Variants in CLRN3 observed in about 807,000 individuals in gnomAD.
CLRN3 encodes clarin-3.
Under a neutral mutation model 16.7 loss-of-function variants are expected in CLRN3, and 12 were observed. The observed-to-expected ratio is 0.72, with a 90% CI of 0.46 to 1.16. CLRN3 has a LOEUF of 1.16. CLRN3 is among the 50% of genes most tolerant of loss of function. CLRN3 has a pLI of 0.00. For missense variants in CLRN3, 296 were observed against 274.2 expected, an observed-to-expected ratio of 1.08 and a Z score of -0.56; for synonymous variants, 118 against 113.0, an observed-to-expected ratio of 1.04 and a Z score of -0.28.
intron 1 of CLRN3, among the ~76,000 whole-genome samples, chr10:127,888,916 A>T (rs1314827907): frequency 1.3e-5 from 2 of 152,166 alleles, no homozygotes; most frequent in Admixed American, 6.6e-5. Flanking sequence ...GAAGATTTTT[A>T]AAAAACGAGC....
chr10:127,888,055 C>T (rs1591262107), intron 1 of CLRN3, among the ~76,000 whole-genome samples: 1 of 152,232 alleles, frequency 6.6e-6, no homozygotes, highest in South Asian at 2.1e-4. Flanking sequence ...TCAGGCCCCA[C>T]TTGCCATCTG....
At chr10:127,879,138 C>T (rs369990235) in intron 2 of CLRN3, among the ~76,000 whole-genome samples, 19 of 152,300 alleles carry the variant, frequency 1.2e-4, no homozygotes, top group African/African-American at 4.6e-4. Context: ...GAGATGGGGT[C>T]TCACTCTCCC....
rs117580940 is a variant in CLRN3 at position 127,878,126 on chromosome 10, G to T, written c.*23C>A. 6.2e-7 allele frequency: 1 copy of T among 1,606,200 alleles called. No individual in the cohort carries two copies. Among genetic ancestry groups the T allele is most frequent in the African/African-American group, 1.3e-5 (1 of 74,734 alleles). Reference sequence around the variant, plus strand: ...AGGGCTGATGTACAATAGATGCAACGCCAAAATGAGATGAAAGAGAATTCA... The same window carrying T: ...AGGGCTGATGTACAATAGATGCAACTCCAAAATGAGATGAAAGAGAATTCA... On this transcript the variant is annotated 3_prime_UTR_variant, in exon 3 of 3. Transcript: ENST00000368671.
chr10:127,890,144 A>G (rs1008890315), intron 1 of CLRN3, among the ~76,000 whole-genome samples: 1 of 152,254 alleles, frequency 6.6e-6, no homozygotes, highest in Non-Finnish European at 1.5e-5. Context: ...TCCTTTCAGT[A>G]TCCTGAGCCC....
chr10:127,880,127 C>A (rs1845110348), intron 2 of CLRN3, among the ~76,000 whole-genome samples: 1 of 152,194 alleles, frequency 6.6e-6, no homozygotes, highest in Non-Finnish European at 1.5e-5. Context: ...TTTGTCCGTA[C>A]AAAAGCCCTG....
Position 127,878,122 on chromosome 10 carries a change from CAACGCCAAAATGAGATG to C in CLRN3, c.*10_*26del. ...ACTCAGGGCTGATGTACAATAGATG[CAACGCCAAAATGAGATG>C]AAAGAGAATTCAGAATAAAATTCCG... On this transcript the variant is annotated 3_prime_UTR_variant, in exon 3 of 3. Coordinates refer to ENST00000368671, the MANE Select transcript of CLRN3 (RefSeq NM_152311.5). 6.2e-7 allele frequency: 1 copy of C among 1,605,412 alleles called. No individual in the cohort carries two copies. Among genetic ancestry groups the C allele is most frequent in the African/African-American group, 1.3e-5 (1 of 74,854 alleles).
intron 1 of CLRN3, among the ~76,000 whole-genome samples, chr10:127,886,683 G>C (rs776493099): frequency 1.7e-4 from 26 of 152,254 alleles, no homozygotes; most frequent in Admixed American, 5.9e-4. Flanking sequence ...GAGCAAACCA[G>C]GAGAAGACTG....
chr10:127,887,176 A>G (rs1845205923), intron 1 of CLRN3, among the ~76,000 whole-genome samples: 2 of 152,238 alleles, frequency 1.3e-5, no homozygotes, highest in East Asian at 3.8e-4. Flanking sequence ...AATCTACAGC[A>G]CGTAGGACAC....
chr10:127,880,082 T>G lies in CLRN3; in HGVS notation c.410-1662A>C, dbSNP rs145270780. On this transcript the variant is annotated intron_variant, in intron 2 of 2. Transcript: ENST00000368671. ...TTTAAACACTCCTTGATGACAGATC[T>G]TCATCCTCAATGTAATGGTTTTATT... 4.0e-3 allele frequency among the ~76,000 whole-genome samples: 614 copies of G among 152,324 alleles called. 6 individuals are homozygous for G. The highest frequency in any genetic ancestry group is 0.013 in the African/African-American group (554 of 41,562).
Position 127,878,125 on chromosome 10 carries a change from C to G in CLRN3, c.*24G>C, listed in dbSNP as rs139046381. The stretch of plus-strand genomic sequence containing the variant: ...CAGGGCTGATGTACAATAGATGCAA[C>G]GCCAAAATGAGATGAAAGAGAATTC... On this transcript the variant is annotated 3_prime_UTR_variant, in exon 3 of 3. Coordinates refer to ENST00000368671, the MANE Select transcript of CLRN3 (RefSeq NM_152311.5). 3.8e-5 allele frequency: 61 copies of G among 1,605,616 alleles called. No individual in the cohort carries two copies. The South Asian group carries it at 6.7e-4, about 18-fold the overall frequency.
Position 127,892,658 on chromosome 10 carries a change from A to T in CLRN3, c.127T>A (p.Ser43Thr). ...WITSTIAVRD[S>T]ASNGSIFITY... ...ATGAAAATGCTCCCATTTGAAGCAG[A>T]GTCTCTAACAGCAATTGTACTGGTG... Residue 43 changes from serine to threonine, a missense_variant, in exon 1 of 3, where the codon TCT (serine) becomes ACT (threonine). By Grantham distance (58) the Ser-to-Thr change is moderately conservative (BLOSUM62 1). Transcript: ENST00000368671. 2 of 1,611,622 alleles carry T rather than the reference A, an allele frequency of 1.2e-6. No individual in the cohort carries two copies. The highest frequency in any genetic ancestry group is 1.7e-6 in the Non-Finnish European group (2 of 1,177,716).
rs1242619362 is a variant in CLRN3 at position 127,878,419 on chromosome 10, T to G, written c.411A>C (p.Ala137=). Reference sequence around the variant, plus strand: ...GTATCATGGTCACAAAAACGAAGGATGCTGAAAGGAAGATGGAGTTTCATG... The same window carrying G: ...GTATCATGGTCACAAAAACGAAGGAGGCTGAAAGGAAGATGGAGTTTCATG... The part of the protein sequence containing the change: ...TGVYTWNGLG[A]SFVFVTMILF... The change falls in exon 3 of 3, where the codon GCA becomes GCC. Residue 137 remains alanine (A), a splice_region_variant and synonymous_variant. Coordinates refer to ENST00000368671, the MANE Select transcript of CLRN3 (RefSeq NM_152311.5). 1 of 1,613,312 alleles carries G rather than the reference T, an allele frequency of 6.2e-7. No homozygotes were observed. Among genetic ancestry groups the G allele is most frequent in the East Asian group, 2.2e-5 (1 of 44,858 alleles).
rs192518544 is a variant in CLRN3 at position 127,879,703 on chromosome 10, C to T, written c.410-1283G>A. Among the ~76,000 whole-genome samples, 16 of 152,182 alleles carry T rather than the reference C, an allele frequency of 1.1e-4. No homozygotes were observed. In the East Asian group the frequency reaches 2.5e-3, roughly 24 times the overall value. On this transcript the variant is annotated intron_variant, in intron 2 of 2. Transcript: ENST00000368671. ...TAAAATTGGCAGTGGTAAGCCTTGC[C>T]CATGTCTGAGAACATACAAAAAACC...
chr10:127,891,821 T>C (rs1321879914), intron 1 of CLRN3, among the ~76,000 whole-genome samples: 1 of 152,230 alleles, frequency 6.6e-6, no homozygotes, highest in Non-Finnish European at 1.5e-5. Context: ...TACAACATTG[T>C]TCAAAACAAA....
In CLRN3 at chr10:127,878,349, A is replaced by C. The variant is rs1356411415; in HGVS notation, c.481T>G (p.Phe161Val). 6.2e-7 allele frequency: 1 copy of C among 1,614,054 alleles called. No homozygotes were observed. Among genetic ancestry groups the C allele is most frequent in the African/African-American group, 1.3e-5 (1 of 74,902 alleles). ...TQSNQLSEEL[F>V]QMLYPATTSK... ...GTGGTTGCCGGGTAAAGCATTTGGA[A>C]CAACTCTTCGGAGAGTTGGTTGGAC... The change falls in exon 3 of 3, where the codon TTC (phenylalanine) becomes GTC (valine). Residue 161 changes from phenylalanine (F) to valine (V), a missense_variant. Phe to Val is a conservative substitution (Grantham distance 50). Coordinates refer to ENST00000368671, the MANE Select transcript of CLRN3 (RefSeq NM_152311.5).
chr10:127,882,231 T>C (rs988756623), intron 2 of CLRN3, among the ~76,000 whole-genome samples: 16 of 111,740 alleles, frequency 1.4e-4, no homozygotes, highest in Admixed American at 9.4e-4. Flanking sequence ...TTGGGGGATT[T>C]ATTTGTTTTT....
intron 2 of CLRN3, among the ~76,000 whole-genome samples, chr10:127,880,860 A>G (rs572294725): frequency 9.1e-4 from 138 of 152,266 alleles, no homozygotes; most frequent in African/African-American, 3.2e-3. Flanking sequence ...GACTCCCAGA[A>G]GTCAGTCTGA....
intron 2 of CLRN3, 21 bp downstream of exon 2, chr10:127,883,675 G>T (rs375795267): frequency 1.9e-6 from 3 of 1,570,258 alleles, no homozygotes; most frequent in Non-Finnish European, 8.8e-7. Flanking sequence ...GCAGAGCACC[G>T]AGTCTCACAG....
rs1404194557 is a variant in CLRN3 at position 127,878,346 on chromosome 10, G to C, written c.484C>G (p.Gln162Glu). 2 of 1,614,074 alleles carry C rather than the reference G, an allele frequency of 1.2e-6. No individual in the cohort carries two copies. The highest frequency in any genetic ancestry group is 1.7e-6 in the Non-Finnish European group (2 of 1,180,036). The change falls in exon 3 of 3, where the codon CAA becomes GAA. Residue 162 changes from glutamine to glutamate, a missense_variant. By Grantham distance (29) the Gln-to-Glu change is conservative. Transcript: ENST00000368671. ...CTGGTGGTTGCCGGGTAAAGCATTT[G>C]GAACAACTCTTCGGAGAGTTGGTTG... ...QSNQLSEELF[Q>E]MLYPATTSKG... is the part of the protein sequence containing the mutation.
Sources: gnomAD v4.1 joint callset for allele counts (sites outside exome capture counted in the v4.1 genomes callset) on GRCh38, gnomAD v4.1.1 for gene constraint, MANE v1.5 for transcripts, NCBI Gene and HGNC (gene_info 2026-07-23, HGNC 2026-07-21) for gene names.